The following SVEP1 variants were observed in gnomAD, a reference collection of about 807,000 sequenced individuals.
SVEP1 encodes sushi, von Willebrand factor type A, EGF and pentraxin domain containing 1, also known as sushi, von Willebrand factor type A, EGF and pentraxin domain-containing protein 1.
A neutral mutation model predicts 367.3 loss-of-function variants in SVEP1; 164 were observed. The ratio of observed to expected loss-of-function variants is 0.45; its 90% confidence interval spans 0.39 to 0.51. SVEP1 has a LOEUF of 0.51. Ranked by LOEUF, SVEP1 falls within the 20% of genes least tolerant of loss-of-function variation. The probability of loss-of-function intolerance (pLI) is 0.00; values close to 1 mark genes in which losing one functional copy is unlikely to be tolerated. For missense variants in SVEP1, 4,117 were observed against 4,425.3 expected (o/e 0.93, Z 1.98); for synonymous variants, 1,666 against 1,611.6 (o/e 1.03, Z -0.81).
At chr9:110,527,767 G>T (rs560484378) in intron 3 of SVEP1, among the ~76,000 whole-genome samples, 2 of 151,586 alleles carry the variant, frequency 1.3e-5, no homozygotes, top group African/African-American at 2.4e-5. Flanking sequence ...TAAAGTCTAG[G>T]GTTTTAATGT....
At chr9:110,451,970 A>G (rs1045739816) in intron 22 of SVEP1, among the ~76,000 whole-genome samples, 1 of 152,204 alleles carries the variant, frequency 6.6e-6, no homozygotes, top group Non-Finnish European at 1.5e-5. Flanking sequence ...TGACATTGCC[A>G]AGGACAGGCA....
At chr9:110,571,700 C>T (rs1195511048) in intron 1 of SVEP1, among the ~76,000 whole-genome samples, 2 of 152,212 alleles carry the variant, frequency 1.3e-5, no homozygotes, top group Non-Finnish European at 2.9e-5. Flanking sequence ...TAGTTTACAT[C>T]ATCTAGGGGG....
chr9:110,571,177 A>G (rs1037003897), intron 1 of SVEP1, among the ~76,000 whole-genome samples: 1 of 151,896 alleles, frequency 6.6e-6, no homozygotes, highest in Non-Finnish European at 1.5e-5. Context: ...GGGTTTCACC[A>G]TGTTGGCCAG....
intron 13 of SVEP1, among the ~76,000 whole-genome samples, chr9:110,477,796 C>T (rs79910194): frequency 0.15 from 22,842 of 152,104 alleles, 2,293 homozygotes; most frequent in East Asian, 0.43. Flanking sequence ...TTCTCACCAC[C>T]TCCAGTGCCA....
chr9:110,375,400 G>A lies in SVEP1; in HGVS notation c.10568C>T (p.Pro3523Leu), dbSNP rs536720525. The change falls in exon 46 of 48, where the codon CCG becomes CTG. Residue 3523 changes from proline (P) to leucine (L), a missense_variant. Pro to Leu is a moderately conservative substitution (Grantham distance 98, BLOSUM62 -3). Around this residue, in one of 4 missense-constraint regions of SVEP1, gnomAD observed 1,765 missense variants for 1,781.1 expected, o/e 0.99. Coordinates refer to ENST00000374469, the MANE Select transcript of SVEP1 (RefSeq NM_153366.4). ...RCVAPYQCDCPPGWTGSRCHT... is the reference protein window; with the variant it reads ...RCVAPYQCDCLPGWTGSRCHT... ...ACAGCGAGACCCCGTCCAGCCAGGC[G>A]GGCAGTCACACTGGTAAGGGGCCAC... 52 of 1,540,092 alleles carry A rather than the reference G, an allele frequency of 3.4e-5. 1 individual carries two copies. Among genetic ancestry groups the A allele is most frequent in the Admixed American group, 1.8e-4 (9 of 50,690 alleles).
At chr9:110,429,891 A>G (rs1564140416) in intron 34 of SVEP1, 29 bp downstream of exon 34, 15 of 1,587,880 alleles carry the variant, frequency 9.4e-6, no homozygotes, top group African/African-American at 1.3e-5. Flanking sequence ...AACATCTTCT[A>G]CAATATAGTT....
chr9:110,562,210 G>A (rs569788432), intron 1 of SVEP1, among the ~76,000 whole-genome samples: 3 of 148,754 alleles, frequency 2.0e-5, no homozygotes, highest in Non-Finnish European at 3.0e-5. Context: ...AAGCACATAG[G>A]GAATAAAGAA....
At chr9:110,568,352 C>T (rs1180734247) in intron 1 of SVEP1, among the ~76,000 whole-genome samples, 1 of 152,190 alleles carries the variant, frequency 6.6e-6, no homozygotes, top group Admixed American at 6.5e-5. Flanking sequence ...TCATGGTAAA[C>T]ACACACAGAG....
intron 46 of SVEP1, among the ~76,000 whole-genome samples, chr9:110,373,427 CA>C (rs1349290654): frequency 6.6e-6 from 1 of 152,094 alleles, no homozygotes; most frequent in Non-Finnish European, 1.5e-5. Flanking sequence ...CTTTTACTCT[CA>C]AAAATGTCCT....
Position 110,446,910 on chromosome 9 carries a change from C to G in SVEP1, c.4251G>C (p.Arg1417Ser). Residue 1417 changes from arginine to serine, a missense_variant, in exon 25 of 48, where the codon AGG (arginine) becomes AGC (serine). Coordinates refer to ENST00000374469, the MANE Select transcript of SVEP1 (RefSeq NM_153366.4). ...TGAGTTGATACATACCTGTTTCACACCTTTTGCCTGAAAATCCTGGCTGAC... is the reference window on the plus strand; with the variant it reads ...TGAGTTGATACATACCTGTTTCACAGCTTTTGCCTGAAAATCCTGGCTGAC... ...CKCQPGFSGK[R>S]CETEQSTGFN... The G allele has an allele frequency of 6.5e-7, 1 of 1,535,954 alleles. No individual in the cohort carries two copies. Among genetic ancestry groups the G allele is most frequent in the Non-Finnish European group, 8.8e-7 (1 of 1,140,878 alleles).
chr9:110,541,574 C>A (rs1248384693), intron 3 of SVEP1, among the ~76,000 whole-genome samples: 1 of 151,940 alleles, frequency 6.6e-6, no homozygotes, highest in Non-Finnish European at 1.5e-5. Context: ...AATGCTCATT[C>A]ATTAGCTTTC....
intron 40 of SVEP1, among the ~76,000 whole-genome samples, chr9:110,399,781 T>A: frequency 6.6e-6 from 1 of 152,130 alleles, no homozygotes; most frequent in Non-Finnish European, 1.5e-5. Context: ...TGATCCACCC[T>A]CCTTGGCTTT....
intron 1 of SVEP1, among the ~76,000 whole-genome samples, chr9:110,564,860 T>C (rs1025996245): frequency 6.9e-6 from 1 of 144,082 alleles, no homozygotes; most frequent in Non-Finnish European, 1.6e-5. Context: ...ACATTATCTT[T>C]CAAATGTGTT....
chr9:110,464,739 C>T (rs916422359), intron 18 of SVEP1, among the ~76,000 whole-genome samples: 2 of 152,128 alleles, frequency 1.3e-5, no homozygotes, highest in Non-Finnish European at 2.9e-5. Context: ...TTAAATAAAA[C>T]TATAGAGGTA....
intron 46 of SVEP1, among the ~76,000 whole-genome samples, chr9:110,373,551 A>T (rs1005056283): frequency 4.6e-5 from 7 of 151,676 alleles, no homozygotes; most frequent in Non-Finnish European, 8.8e-5. Context: ...TCCACTGAGG[A>T]GGTGGTATAA....
chr9:110,570,358 G>T lies in SVEP1; in HGVS notation c.531+8655C>A, dbSNP rs528166494. Among the ~76,000 whole-genome samples the T allele has an allele frequency of 2.4e-4, 36 of 152,026 alleles. 1 individual carries two copies. The highest frequency in any genetic ancestry group is 1.5e-3 in the South Asian group (7 of 4,806). On this transcript the variant is annotated intron_variant, in intron 1 of 47. Transcript: ENST00000374469. ...ACTAAAGTATTAATTTTATTTTGTG[G>T]TATACAATTTTCCCTGTCTCTATCA...
At chr9:110,516,050 T>A (rs941893551) in intron 3 of SVEP1, among the ~76,000 whole-genome samples, 1 of 148,928 alleles carries the variant, frequency 6.7e-6, no homozygotes, top group Admixed American at 6.7e-5. Context: ...CTACACGTGC[T>A]GTGAGTCAAA....
At chr9:110,513,328 A>G (rs1220028462) in intron 4 of SVEP1, among the ~76,000 whole-genome samples, 2 of 152,192 alleles carry the variant, frequency 1.3e-5, no homozygotes, top group African/African-American at 4.8e-5. Context: ...TACAAACTAA[A>G]TATTATTTGT....
intron 19 of SVEP1, among the ~76,000 whole-genome samples, 158 bp downstream of exon 19, chr9:110,458,794 T>C (rs41307481): frequency 0.039 from 5,963 of 152,330 alleles, 118 homozygotes; most frequent in Middle Eastern, 0.058. Flanking sequence ...CAAGACTCTT[T>C]GTGTCATGGT....
Sources: allele counts gnomAD v4.1 joint callset (sites outside exome capture counted in the v4.1 genomes callset), GRCh38; gene constraint gnomAD v4.1.1; regional missense constraint gnomAD v4.1.1; transcripts MANE v1.5; gene names NCBI Gene and HGNC (gene_info 2026-07-23, HGNC 2026-07-21).